Variants in CDK18 observed in about 807,000 individuals in gnomAD.
The protein encoded by CDK18 is cyclin dependent kinase 18.
A neutral mutation model predicts 62.0 loss-of-function variants in CDK18; 52 were observed. That is an observed-to-expected ratio of 0.84 (90% confidence interval 0.67 to 1.06). The LOEUF (loss-of-function observed/expected upper bound fraction) is 1.06. Among genes scored for constraint, CDK18 ranks in the 50% least tolerant of loss-of-function variants. The pLI, the probability that CDK18 is intolerant of heterozygous loss-of-function variation, is 0.00. For missense variants in CDK18, 604 were observed against 619.9 expected (o/e 0.97, Z 0.27); for synonymous variants, 237 against 247.0 (o/e 0.96, Z 0.38).
intron 4 of CDK18, 57 bp downstream of exon 4, chr1:205,524,414 G>A (rs1333114445): frequency 1.9e-6 from 3 of 1,599,758 alleles, no homozygotes; most frequent in African/African-American, 1.3e-5. Context: ...TCCCCAGCAT[G>A]GGCATATCAG....
intron 1 of CDK18, among the ~76,000 whole-genome samples, chr1:205,509,946 G>A (rs1046020897): frequency 6.6e-6 from 1 of 152,084 alleles, no homozygotes; most frequent in Non-Finnish European, 1.5e-5. Context: ...CAGGCATGGT[G>A]GCAGGCACCT....
At position 205,517,834 on chromosome 1, in the gene CDK18, C is replaced by T. The variant is rs1384178011; in HGVS notation, c.-21-5313C>T. On this transcript the variant is annotated intron_variant, in intron 1 of 15. Coordinates refer to ENST00000429964, the MANE Select transcript of CDK18 (RefSeq NM_212502.3). This position sits in a 1 kb window ranked among gnomAD's most constrained non-coding sequence, Gnocchi z 4.1. ...GCCTCCTGCCCGGGCTCCCTGCTCT[C>T]CCCTTGCTCCCCTTGTCTGTTCTCA... Among the ~76,000 whole-genome samples, 2 of 152,096 alleles carry T rather than the reference C, an allele frequency of 1.3e-5. No individual in the cohort carries two copies.
intron 1 of CDK18, among the ~76,000 whole-genome samples, chr1:205,508,662 T>A (rs1358712974): frequency 6.6e-6 from 1 of 152,042 alleles, no homozygotes; most frequent in Non-Finnish European, 1.5e-5. Context: ...CTGGGCAACA[T>A]GGCAAGACCC....
At chr1:205,515,355 T>C (rs1667768955) in intron 1 of CDK18, among the ~76,000 whole-genome samples, 1 of 152,020 alleles carries the variant, frequency 6.6e-6, no homozygotes, top group African/African-American at 2.4e-5. Context: ...TTTTGTATTT[T>C]TAGTAGAGAC....
chr1:205,529,039 C>T lies in CDK18; in HGVS notation c.1015C>T (p.Pro339Ser). The T allele has an allele frequency of 1.3e-6, 2 of 1,596,942 alleles. No individual in the cohort carries two copies. The highest frequency in any genetic ancestry group is 1.1e-5 in the South Asian group (1 of 87,812). ...CCACTACGAGATGGCCACAGGGAGGCCCCTCTTCCCGGGCTCCACAGTCAA... is the reference window on the plus strand; with the variant it reads ...CCACTACGAGATGGCCACAGGGAGGTCCCTCTTCCCGGGCTCCACAGTCAA... The part of the protein sequence containing the change: ...CIHYEMATGR[P>S]LFPGSTVKEE... The change falls in exon 11 of 16, where the codon CCC becomes TCC. Residue 339 changes from proline (P) to serine (S), a missense_variant. Pro to Ser is a moderately conservative substitution (Grantham distance 74). Coordinates refer to ENST00000429964, the MANE Select transcript of CDK18 (RefSeq NM_212502.3).
chr1:205,525,044 C>A, intron 4 of CDK18, 95 bp from the exon 5 acceptor site: 1 of 734,528 alleles, frequency 1.4e-6, no homozygotes, highest in Non-Finnish European at 2.4e-6. Context: ...GAGTCTCATC[C>A]CTTCCCTCCC....
In CDK18 at chr1:205,530,217, GC is replaced by G. The variant is rs758677426; in HGVS notation, c.1222-36del. ...AGTCCTGCTGCCCAGAGGGTTTGCAGCCCCCCAGCCGGGCCCAATAGCCCCA... is the reference window on the plus strand; with the variant it reads ...AGTCCTGCTGCCCAGAGGGTTTGCAGCCCCCAGCCGGGCCCAATAGCCCCA... On this transcript the variant is annotated intron_variant, in intron 13 of 15. Coordinates refer to ENST00000429964, the MANE Select transcript of CDK18 (RefSeq NM_212502.3). 292 of 1,605,454 alleles carry G rather than the reference GC, an allele frequency of 1.8e-4. 1 individual carries two copies. Among genetic ancestry groups the G allele is most frequent in the Non-Finnish European group, 2.4e-4 (280 of 1,179,766 alleles).
rs1256693326 is a variant in CDK18, at chr1:205,524,312, A to T, written c.354A>T (p.Pro118=). The change falls in exon 4 of 16, where the codon CCA becomes CCT. Residue 118 remains proline, a synonymous_variant. Transcript: ENST00000429964. ...EFLQKLQMES[P]DLPKPLSRMS... is the part of the protein sequence containing the mutation. ...TACAGAAGCTACAGATGGAGAGCCC[A>T]GATCTGCCCAAGCCGCTCAGCCGCA... is the stretch of plus-strand genomic sequence containing the variant. The T allele has an allele frequency of 6.2e-7, 1 of 1,614,158 alleles. No individual in the cohort carries two copies. Among genetic ancestry groups the T allele is most frequent in the East Asian group, 2.2e-5 (1 of 44,892 alleles).
At position 205,527,061 on chromosome 1, in the gene CDK18, T is replaced by C; in HGVS notation, c.729+224T>C. On this transcript the variant is annotated intron_variant, in intron 8 of 15. Transcript: ENST00000429964. The surrounding 1 kb of genome is among the most constrained non-coding windows in gnomAD (Gnocchi z 4.1). Reference sequence around the variant, plus strand: ...GTCTGCCACTGTCTAGCTGTTGGTATAAAACCCACTCTCAACTCTGAACAT... The same window carrying C: ...GTCTGCCACTGTCTAGCTGTTGGTACAAAACCCACTCTCAACTCTGAACAT... The C allele has an allele frequency of 1.8e-6, 1 of 553,984 alleles. No individual in the cohort carries two copies. The allele number at this position is 553,984 out of a possible 1,614,324, so 34.3% of individuals were successfully genotyped here. A position where few individuals can be genotyped will look rare whatever the true frequency, so the allele number is the denominator to read the frequency against.
rs1418788418 is a variant in CDK18 at position 205,525,809 on chromosome 1, A to G, written c.457-256A>G. Among the ~76,000 whole-genome samples the G allele has an allele frequency of 3.3e-5, 5 of 152,228 alleles. No individual in the cohort carries two copies. The East Asian group carries it at 9.6e-4, about 29-fold the overall frequency. ...TGTAAACATCAGCATCGTATAAGGA[A>G]GAAAAAACCTGGTGTTATCATAGAC... On this transcript the variant is annotated intron_variant, in intron 5 of 15. Coordinates refer to ENST00000429964, the MANE Select transcript of CDK18 (RefSeq NM_212502.3).
intron 8 of CDK18, 118 bp downstream of exon 8, chr1:205,526,955 G>C: frequency 1.3e-6 from 1 of 787,912 alleles, no homozygotes; most frequent in Non-Finnish European, 2.2e-6. Context: ...ACCTTCCCAC[G>C]TAGGAAAGAG....
chr1:205,530,197 T>TGCTGCCCAGAGGGTTTGCA, intron 13 of CDK18, 62 bp from the exon 14 acceptor site: 1 of 1,600,766 alleles, frequency 6.2e-7, no homozygotes, highest in South Asian at 1.1e-5. Context: ...ACTGGAGTCC[T>TGCTGCCCAGAGGGTTTGCA]GCTGCCCAGA....
At position 205,528,134 on chromosome 1, in the gene CDK18, G is replaced by A. The variant is rs1484094747; in HGVS notation, c.940G>A (p.Gly314Arg). 6.2e-7 allele frequency: 1 copy of A among 1,613,986 alleles called. No homozygotes were observed. The highest frequency in any genetic ancestry group is 1.1e-5 in the South Asian group (1 of 91,074). ...LWYRPPDVLLGSTEYSTPIDM... is the reference protein window; with the variant it reads ...LWYRPPDVLLRSTEYSTPIDM... ...GTACAGGCCCCCCGATGTGCTGCTG[G>A]GATCCACAGAGTACTCCACCCCCAT... Residue 314 changes from glycine to arginine, a missense_variant, in exon 10 of 16, where the codon GGA becomes AGA. Coordinates refer to ENST00000429964, the MANE Select transcript of CDK18 (RefSeq NM_212502.3). The surrounding 1 kb of genome is among the most constrained non-coding windows in gnomAD (Gnocchi z 4.2).
chr1:205,513,816 C>T (rs1473904313), intron 1 of CDK18, among the ~76,000 whole-genome samples: 1 of 152,212 alleles, frequency 6.6e-6, no homozygotes, highest in Non-Finnish European at 1.5e-5. Context: ...TCATTCCAGT[C>T]CACCCCTCAC....
rs538130277 is a variant in CDK18 at position 205,531,583 on chromosome 1, A to G, written c.*205A>G. 1.6e-4 allele frequency: 90 copies of G among 574,806 alleles called. No individual in the cohort carries two copies. In the Admixed American group the frequency reaches 1.7e-3, roughly 11 times the overall value. 35.6% of individuals were successfully genotyped at this position (574,806 alleles called of 1,614,324 possible). ...CCCAGTAGCCCTCACCTGCATACCA[A>G]CCCCTCCTTTACCCACGTTGGGGCT... On this transcript the variant is annotated 3_prime_UTR_variant, in exon 16 of 16. Transcript: ENST00000429964.
chr1:205,520,787 G>A (rs12126693), intron 1 of CDK18, among the ~76,000 whole-genome samples: 68,502 of 151,866 alleles, frequency 0.45, 16,516 homozygotes, highest in African/African-American at 0.6. Context: ...TCGGAAATGG[G>A]AGTCACCAGG....
At chr1:205,515,037 G>A (rs1667750369) in intron 1 of CDK18, among the ~76,000 whole-genome samples, 1 of 152,110 alleles carries the variant, frequency 6.6e-6, no homozygotes, top group Admixed American at 6.6e-5. Context: ...CTCTGGGAAT[G>A]CCAGGTACAT....
In CDK18 at chr1:205,528,194, G is replaced by A; in HGVS notation, c.974+26G>A. ...GTGAGTGAGCACTGTGGGGACCGAGGAGGGGAGGACAGGCCTGGCCACACC... is the reference window on the plus strand; with the variant it reads ...GTGAGTGAGCACTGTGGGGACCGAGAAGGGGAGGACAGGCCTGGCCACACC... On this transcript the variant is annotated intron_variant, in intron 10 of 15. Coordinates refer to ENST00000429964, the MANE Select transcript of CDK18 (RefSeq NM_212502.3). This position sits in a 1 kb window ranked among gnomAD's most constrained non-coding sequence, Gnocchi z 4.2. 1.2e-6 allele frequency: 2 copies of A among 1,612,222 alleles called. No individual in the cohort carries two copies. Among genetic ancestry groups the A allele is most frequent in the Non-Finnish European group, 1.7e-6 (2 of 1,179,608 alleles).
rs772671751 is a variant in CDK18 at position 205,531,362 on chromosome 1, G to A, written c.1409G>A (p.Arg470Gln). The change falls in exon 16 of 16, where the codon CGG becomes CAG. Residue 470 changes from arginine (R) to glutamine (Q), a missense_variant. By Grantham distance (43) the Arg-to-Gln change is conservative. Transcript: ENST00000429964. ...FQQPGRGKNR[R>Q]QSIF ...TCTCCAGGACGAGGGAAGAACAGGC[G>A]GCAGAGCATCTTCTGAGCCACGCCC... The A allele has an allele frequency of 2.5e-6, 4 of 1,614,134 alleles. No individual in the cohort carries two copies. Among genetic ancestry groups the A allele is most frequent in the South Asian group, 2.2e-5 (2 of 91,082 alleles).
Sources: allele counts gnomAD v4.1 joint callset (sites outside exome capture counted in the v4.1 genomes callset), GRCh38; gene constraint gnomAD v4.1.1; non-coding constraint Gnocchi (gnomAD v3.1); transcripts MANE v1.5; gene names NCBI Gene and HGNC (gene_info 2026-07-23, HGNC 2026-07-21).